LINGO2: variants seen among roughly 807,000 people sequenced by gnomAD.
LINGO2 encodes leucine rich repeat and Ig domain containing 2.
Under a neutral mutation model 30.6 loss-of-function variants are expected in LINGO2, and 14 were observed. The ratio of observed to expected loss-of-function variants is 0.46; its 90% CI spans 0.30 to 0.72. LINGO2 has a LOEUF of 0.72. Ranked by LOEUF, LINGO2 falls within the 30% of genes least tolerant of loss-of-function variation. The pLI is 0.07. For missense variants in LINGO2, 729 were observed against 751.7 expected (o/e 0.97, Z 0.35); for synonymous variants, 317 against 288.5 (o/e 1.10, Z -1.00).
intron 1 of LINGO2, among the ~76,000 whole-genome samples, chr9:28,492,786 G>C (rs927005295): frequency 6.6e-6 from 1 of 152,032 alleles, no homozygotes; most frequent in African/African-American, 2.4e-5. Flanking sequence ...CTGTCCTGGA[G>C]GGAAGAAGTC....
At chr9:28,587,895 G>A (rs980471162) in intron 1 of LINGO2, among the ~76,000 whole-genome samples, 23 of 151,906 alleles carry the variant, frequency 1.5e-4, no homozygotes, top group African/African-American at 5.1e-4. Flanking sequence ...AACAGTGGCC[G>A]TTTTGCATTT....
chr9:28,743,103 G>A, the LINGO2 span, among the ~76,000 whole-genome samples: 1 of 151,904 alleles, frequency 6.6e-6, no homozygotes. Context: ...TGTAAGGCAA[G>A]TCTGCTAGCA....
At chr9:29,054,747 A>C in the LINGO2 span, among the ~76,000 whole-genome samples, 2 of 152,200 alleles carry the variant, frequency 1.3e-5, no homozygotes, top group South Asian at 4.1e-4. Context: ...ATTGGTGAAA[A>C]CATACAAGCA....
chr9:28,135,510 C>A lies in LINGO2; in HGVS notation c.-86-123105G>T, dbSNP rs773996621. On this transcript the variant is annotated intron_variant, in intron 4 of 5. Transcript: ENST00000379992. ...ATAAAACCTGTTGATCTAGTATCTA[C>A]TCAATAATAAAATTCAAAACAGAAA... Among the ~76,000 whole-genome samples, 22 of 151,570 alleles carry A rather than the reference C, an allele frequency of 1.5e-4. 1 individual carries two copies. In the Middle Eastern group the frequency reaches 0.014, roughly 94 times the overall value.
At chr9:28,671,389 T>C (rs1452935689), upstream of LINGO2, among the ~76,000 whole-genome samples, 1 of 151,530 alleles carries the variant, frequency 6.6e-6, no homozygotes, top group Non-Finnish European at 1.5e-5. Flanking sequence ...TAAATGCTCA[T>C]CAGTGGCAGA....
the LINGO2 span, among the ~76,000 whole-genome samples, chr9:29,015,377 T>G: frequency 6.6e-6 from 1 of 152,182 alleles, no homozygotes; most frequent in East Asian, 1.9e-4. Context: ...TCTGCATTGC[T>G]TTTACATCAG....
At chr9:28,884,560 G>A in the LINGO2 span, among the ~76,000 whole-genome samples, 47 of 151,640 alleles carry the variant, frequency 3.1e-4, no homozygotes, top group African/African-American at 1.1e-3. Flanking sequence ...TTCAATTATC[G>A]ACCTGCGGAC....
At chr9:28,751,209 T>C in the LINGO2 span, among the ~76,000 whole-genome samples, 1 of 144,010 alleles carries the variant, frequency 6.9e-6, no homozygotes, top group East Asian at 2.1e-4. Context: ...GAGGATCATT[T>C]CAGCCCAGGA....
At chr9:27,984,559 A>C (rs1253055125) in intron 5 of LINGO2, among the ~76,000 whole-genome samples, 4 of 151,856 alleles carry the variant, frequency 2.6e-5, no homozygotes, top group Non-Finnish European at 4.4e-5. Context: ...GTCTGAGGGA[A>C]TATAGAAAGA....
At chr9:28,218,758 G>A (rs1820856929) in intron 4 of LINGO2, among the ~76,000 whole-genome samples, 1 of 151,946 alleles carries the variant, frequency 6.6e-6, no homozygotes, top group Admixed American at 6.6e-5. Flanking sequence ...TCCTATAACT[G>A]GATTTCTGCC....
the LINGO2 span, among the ~76,000 whole-genome samples, chr9:29,093,029 G>GTGTATATA: frequency 6.3e-4 from 62 of 98,550 alleles, 8 homozygotes; most frequent in African/African-American, 2.3e-3. Flanking sequence ...TAATGTGTGT[G>GTGTATATA]TATATATATA....
intron 4 of LINGO2, among the ~76,000 whole-genome samples, chr9:28,149,613 C>G (rs566574343): frequency 2.0e-5 from 3 of 150,192 alleles, no homozygotes; most frequent in Non-Finnish European, 4.4e-5. Context: ...GTGAGGAGTG[C>G]CTGTGCCCGG....
chr9:28,864,035 T>C, the LINGO2 span, among the ~76,000 whole-genome samples: 1 of 152,098 alleles, frequency 6.6e-6, no homozygotes. Flanking sequence ...AATATAGATG[T>C]CAGGAGTAGG....
intron 1 of LINGO2, among the ~76,000 whole-genome samples, chr9:28,556,197 A>G (rs1270279093): frequency 1.3e-5 from 2 of 151,998 alleles, no homozygotes; most frequent in African/African-American, 4.8e-5. Context: ...GAAAAGAGGA[A>G]GTCAAATTGT....
chr9:28,699,868 C>G, the LINGO2 span, among the ~76,000 whole-genome samples: 67 of 151,936 alleles, frequency 4.4e-4, no homozygotes, highest in African/African-American at 1.5e-3. Flanking sequence ...GACTGGGAAA[C>G]GCTAGCCTGG....
chr9:28,742,815 C>T, the LINGO2 span, among the ~76,000 whole-genome samples: 1 of 148,432 alleles, frequency 6.7e-6, no homozygotes, highest in Non-Finnish European at 1.5e-5. Context: ...TTTTCTTACT[C>T]AAACACAGTT....
At chr9:29,190,401 C>A in the LINGO2 span, among the ~76,000 whole-genome samples, 3 of 152,048 alleles carry the variant, frequency 2.0e-5, no homozygotes, top group Non-Finnish European at 4.4e-5. Flanking sequence ...TACTTGATAT[C>A]CTGGCAATAA....
At chr9:28,306,212 C>T (rs1344810729) in intron 3 of LINGO2, among the ~76,000 whole-genome samples, 3 of 152,068 alleles carry the variant, frequency 2.0e-5, no homozygotes, top group African/African-American at 7.2e-5. Context: ...AAGTGTCTTG[C>T]CTTGTCCTCT....
chr9:29,071,079 A>G, the LINGO2 span, among the ~76,000 whole-genome samples: 3 of 150,718 alleles, frequency 2.0e-5, no homozygotes, highest in East Asian at 1.9e-4. Context: ...ATATCTAAAT[A>G]TATAATTGTA....
Sources: allele counts gnomAD v4.1 joint callset (sites outside exome capture counted in the v4.1 genomes callset), GRCh38; gene constraint gnomAD v4.1.1; transcripts MANE v1.5; gene names NCBI Gene and HGNC (gene_info 2026-07-23, HGNC 2026-07-21).